The following PSMA5 variants were observed in gnomAD, a reference collection of about 807,000 sequenced individuals.
PSMA5 encodes proteasome 20S subunit alpha 5, also known as proteasome subunit alpha type-5.
Under a neutral mutation model 34.5 loss-of-function variants are expected in PSMA5, and 3 were observed. The ratio of observed to expected loss-of-function variants is 0.09; its 90% CI spans 0.04 to 0.22. PSMA5 has a LOEUF of 0.22. PSMA5 is among the 10% of genes least tolerant of loss of function. The pLI is 1.00. For missense variants in PSMA5, 120 were observed against 286.1 expected, an observed-to-expected ratio of 0.42 and a Z score of 4.19; for synonymous variants, 88 against 95.8, an observed-to-expected ratio of 0.92 and a Z score of 0.47.
chr1:109,411,785 G>T, intron 6 of PSMA5, 92 bp downstream of exon 6: 1 of 1,281,554 alleles, frequency 7.8e-7, no homozygotes, highest in South Asian at 1.2e-5. Flanking sequence ...CTAATACCTG[G>T]CTAACAGTCT....
At chr1:109,423,305 G>A (rs1281890558) in intron 1 of PSMA5, among the ~76,000 whole-genome samples, 2 of 152,176 alleles carry the variant, frequency 1.3e-5, no homozygotes, top group Non-Finnish European at 2.9e-5. Flanking sequence ...TGGGCGTGGT[G>A]GCAGGTGCCT....
chr1:109,409,672 A>C (rs937526024), intron 8 of PSMA5, among the ~76,000 whole-genome samples: 5 of 152,242 alleles, frequency 3.3e-5, no homozygotes, highest in African/African-American at 1.2e-4. Flanking sequence ...CCAGGTACTC[A>C]GTAGGCTGAG....
chr1:109,405,922 G>C (rs552424705), intron 8 of PSMA5, among the ~76,000 whole-genome samples: 13 of 152,288 alleles, frequency 8.5e-5, no homozygotes, highest in Admixed American at 2.0e-4. Context: ...TGGAAGTAGG[G>C]ATGGAGAAGG....
rs1185349924 is a variant in PSMA5, at chr1:109,400,387, A to G, written c.*1626T>C. 1.3e-5 allele frequency: 2 copies of G among 152,232 alleles called. No homozygotes were observed. The highest frequency in any genetic ancestry group is 4.8e-5 in the African/African-American group (2 of 41,446). 9.4% of individuals were successfully genotyped at this position (152,232 alleles called of 1,614,324 possible). On this transcript the variant is annotated 3_prime_UTR_variant, in exon 9 of 9. Coordinates refer to ENST00000271308, the MANE Select transcript of PSMA5 (RefSeq NM_002790.4). ...AGCACAGATCATATCTACCATTTGA[A>G]CAGCTCTCTGCCTGATGGCTAATAC...
At chr1:109,409,432 C>T (rs964907195) in intron 8 of PSMA5, among the ~76,000 whole-genome samples, 1 of 152,272 alleles carries the variant, frequency 6.6e-6, no homozygotes, top group African/African-American at 2.4e-5. Context: ...GCTGGGATTA[C>T]AGGCGTGAGC....
intron 2 of PSMA5, among the ~76,000 whole-genome samples, chr1:109,421,200 A>G (rs143043067): frequency 1.3e-5 from 2 of 152,106 alleles, no homozygotes; most frequent in African/African-American, 4.8e-5. Context: ...AAAACCACTA[A>G]AACAAATCTC....
At chr1:109,415,128 T>C (rs914298308) in intron 3 of PSMA5, 109 bp downstream of exon 3, 2 of 1,317,030 alleles carry the variant, frequency 1.5e-6, no homozygotes, top group Non-Finnish European at 2.0e-6. Context: ...TGGAAAATAA[T>C]AGCTAACAAG....
At chr1:109,419,068 G>T (rs1241619353) in intron 2 of PSMA5, among the ~76,000 whole-genome samples, 2 of 152,130 alleles carry the variant, frequency 1.3e-5, no homozygotes, top group African/African-American at 4.8e-5. Context: ...CAGGAGAATC[G>T]CTTGAACACG....
intron 8 of PSMA5, among the ~76,000 whole-genome samples, chr1:109,408,948 C>T (rs190795700): frequency 6.6e-6 from 1 of 152,290 alleles, no homozygotes; most frequent in East Asian, 1.9e-4. Context: ...GTCTCAGCCT[C>T]CCAAAGTGCT....
At chr1:109,412,339 T>C in intron 4 of PSMA5, 155 bp from the exon 5 acceptor site, 2 of 602,746 alleles carry the variant, frequency 3.3e-6, no homozygotes, top group Non-Finnish European at 5.9e-6. Flanking sequence ...TGGGAGTACA[T>C]GAGAGGAAGA....
At position 109,403,923 on chromosome 1, in the gene PSMA5, G is replaced by A. The variant is rs565573732; in HGVS notation, c.649-1833C>T. On this transcript the variant is annotated intron_variant, in intron 8 of 8. Coordinates refer to ENST00000271308, the MANE Select transcript of PSMA5 (RefSeq NM_002790.4). ...AGATATATCTCTAATTACATGAAAT[G>A]TCAGAAAAGTCCCAAATATATCTGC... is the stretch of plus-strand genomic sequence containing the variant. Among the ~76,000 whole-genome samples the A allele has an allele frequency of 8.5e-5, 13 of 152,230 alleles. No individual in the cohort carries two copies. In the South Asian group the frequency reaches 2.7e-3, roughly 32 times the overall value.
intron 1 of PSMA5, among the ~76,000 whole-genome samples, chr1:109,424,011 T>C (rs1447018436): frequency 1.3e-5 from 2 of 152,220 alleles, no homozygotes; most frequent in African/African-American, 4.8e-5. Context: ...ACACGTATCA[T>C]ATGTGCCAGT....
intron 1 of PSMA5, among the ~76,000 whole-genome samples, chr1:109,422,472 A>G (rs1654480330): frequency 7.1e-6 from 1 of 141,708 alleles, no homozygotes; most frequent in African/African-American, 2.6e-5. Context: ...TCTATAAAAC[A>G]CAGTTATTAC....
intron 8 of PSMA5, among the ~76,000 whole-genome samples, chr1:109,405,128 G>A (rs1653695496): frequency 6.6e-6 from 1 of 152,188 alleles, no homozygotes; most frequent in Admixed American, 6.5e-5. Flanking sequence ...AGAGGGAGTA[G>A]GGGGTCAGAG....
chr1:109,402,199 AGG>A (rs1219414847), intron 8 of PSMA5, 109 bp from the exon 9 acceptor site: 4 of 711,000 alleles, frequency 5.6e-6, no homozygotes, highest in Non-Finnish European at 9.3e-6. Context: ...TTAGGAACTA[AGG>A]GATCTGCTGT....
chr1:109,425,138 T>C (rs1244807340), intron 1 of PSMA5, among the ~76,000 whole-genome samples: 1 of 152,190 alleles, frequency 6.6e-6, no homozygotes, highest in Non-Finnish European at 1.5e-5. Flanking sequence ...CACCAGCACC[T>C]AGAACAGTGC....
chr1:109,406,895 C>T (rs1234900664), intron 8 of PSMA5, among the ~76,000 whole-genome samples: 1 of 152,060 alleles, frequency 6.6e-6, no homozygotes, highest in African/African-American at 2.4e-5. Flanking sequence ...TAAATTATAT[C>T]TCAAAAAAGT....
At chr1:109,411,767 G>C in intron 6 of PSMA5, 110 bp downstream of exon 6, 2 of 1,060,508 alleles carry the variant, frequency 1.9e-6, no homozygotes, top group South Asian at 2.8e-5. Flanking sequence ...TGGGACTACA[G>C]GTGTGTGCTA....
intron 8 of PSMA5, among the ~76,000 whole-genome samples, chr1:109,403,687 A>T (rs1050177489): frequency 1.3e-5 from 2 of 152,120 alleles, no homozygotes; most frequent in African/African-American, 4.8e-5. Context: ...GGCATTTTAA[A>T]GTAATTTTCA....
Sources: gnomAD v4.1 joint callset for allele counts (sites outside exome capture counted in the v4.1 genomes callset) on GRCh38, gnomAD v4.1.1 for gene constraint, MANE v1.5 for transcripts, NCBI Gene and HGNC (gene_info 2026-07-23, HGNC 2026-07-21) for gene names.